CTBP2: variants seen among roughly 807,000 people sequenced by gnomAD.
CTBP2 encodes the protein C-terminal binding protein 2, also known as C-terminal-binding protein 2.
Under a neutral mutation model 80.3 loss-of-function variants are expected in CTBP2, and 30 were observed. The ratio of observed to expected loss-of-function variants is 0.37; its 90% confidence interval spans 0.28 to 0.51. CTBP2 has a LOEUF of 0.51. CTBP2 is among the 20% of genes least tolerant of loss of function. The pLI, the probability that CTBP2 is intolerant of heterozygous loss-of-function variation, is 0.93. For missense variants in CTBP2, 1,212 were observed against 1,375.3 expected (o/e 0.88, Z 1.88); for synonymous variants, 594 against 587.4 (o/e 1.01, Z -0.16).
upstream of CTBP2, chr10:125,160,664 C>T (rs1357803634): frequency 1.1e-5 from 1 of 90,266 alleles, no homozygotes; most frequent in African/African-American, 4.6e-5. Context: ...CCACCTCCTC[C>T]CCTCGCCGCC....
At chr10:125,102,401 T>C (rs1850769115) in intron 2 of CTBP2, among the ~76,000 whole-genome samples, 1 of 152,232 alleles carries the variant, frequency 6.6e-6, no homozygotes, top group Non-Finnish European at 1.5e-5. Context: ...TGCTAAAGAA[T>C]TCTTCCTGGC....
At position 125,106,775 on chromosome 10, in the gene CTBP2, G is replaced by T. The variant is rs57447348; in HGVS notation, c.-102+4215C>A. 3.5e-3 allele frequency among the ~76,000 whole-genome samples: 537 copies of T among 152,242 alleles called. 2 individuals are homozygous for T. The highest frequency in any genetic ancestry group is 0.012 in the African/African-American group (500 of 41,526). ...GTGGGAAAATTCAGGCCTTCTGCCTGGTCTCTTCCTCCCTACTTTGCAAAT... is the reference window on the plus strand; with the variant it reads ...GTGGGAAAATTCAGGCCTTCTGCCTTGTCTCTTCCTCCCTACTTTGCAAAT... On this transcript the variant is annotated intron_variant, in intron 2 of 10. Coordinates refer to the CTBP2 transcript ENST00000337195.
At position 125,154,807 on chromosome 10, in the gene CTBP2, G is replaced by A. The variant is rs11812472; in HGVS notation, c.-206+5512C>T. Reference sequence around the variant, plus strand: ...TCCACTTTGGGACCTCGGCTCCCACGTGGAAGGAGAAGGGCTTTGTGAATG... The same window carrying A: ...TCCACTTTGGGACCTCGGCTCCCACATGGAAGGAGAAGGGCTTTGTGAATG... On this transcript the variant is annotated intron_variant, in intron 1 of 10. Transcript: ENST00000337195. Among the ~76,000 whole-genome samples, 168 of 152,344 alleles carry A rather than the reference G, an allele frequency of 1.1e-3. 1 individual carries two copies. Among genetic ancestry groups the A allele is most frequent in the African/African-American group, 3.8e-3 (156 of 41,582 alleles).
In CTBP2 at chr10:125,129,050, T is replaced by C. The variant is rs562054473; in HGVS notation, c.-205-17957A>G. ...TGTGTGTGGCATGAAAAAAGCTTCA[T>C]GCAAAAAGGTACATGTGTCATAATA... On this transcript the variant is annotated intron_variant, in intron 1 of 10. Transcript: ENST00000337195. Among the ~76,000 whole-genome samples the C allele has an allele frequency of 5.3e-5, 8 of 152,316 alleles. No homozygotes were observed. The South Asian group carries it at 1.7e-3, about 32-fold the overall frequency.
At chr10:125,074,330 C>T (rs778556477) in intron 2 of CTBP2, among the ~76,000 whole-genome samples, 20 of 152,172 alleles carry the variant, frequency 1.3e-4, no homozygotes, top group African/African-American at 3.4e-4. Context: ...CTGGGATGCA[C>T]CCTCTGCAGT....
intron 1 of CTBP2, among the ~76,000 whole-genome samples, chr10:125,111,462 G>A (rs1353892237): frequency 6.6e-6 from 1 of 152,196 alleles, no homozygotes; most frequent in Non-Finnish European, 1.5e-5. Flanking sequence ...CAACTGTTTT[G>A]AGAAATATGG....
At chr10:125,151,240 G>A (rs1454873894) in intron 1 of CTBP2, among the ~76,000 whole-genome samples, 1 of 152,126 alleles carries the variant, frequency 6.6e-6, no homozygotes, top group Non-Finnish European at 1.5e-5. Flanking sequence ...AAGACGAAAC[G>A]GGCCAGATCG....
chr10:125,129,759 T>C (rs1855848151), intron 1 of CTBP2, among the ~76,000 whole-genome samples: 1 of 152,184 alleles, frequency 6.6e-6, no homozygotes. Context: ...CAGAAACACC[T>C]GTGAGGACCA....
chr10:125,026,674 G>GC lies in CTBP2; in HGVS notation c.1085dup (p.Leu364AlafsTer19), dbSNP rs762879325. The stretch of plus-strand genomic sequence containing the variant: ...TGCTGGACCGCGCCCGGGGCAGCGG[G>GC]CCCCCCCGGTCCTGCCTCCGCAGCT... On this transcript the variant is annotated frameshift_variant, in exon 1 of 9. Coordinates refer to ENST00000309035, the MANE Select transcript of CTBP2 (RefSeq NM_022802.3). LOFTEE classifies it high-confidence loss of function. The GC allele has an allele frequency of 3.8e-5, 61 of 1,606,334 alleles. No individual in the cohort carries two copies. The highest frequency in any genetic ancestry group is 1.7e-4 in the Middle Eastern group (1 of 5,976).
rs1318128839 is a variant in CTBP2, at chr10:125,027,500, G to C, written c.260C>G (p.Pro87Arg). 1 of 1,614,018 alleles carries C rather than the reference G, an allele frequency of 6.2e-7. No homozygotes were observed. The highest frequency in any genetic ancestry group is 1.3e-5 in the African/African-American group (1 of 74,924). ...TCTGCTGTCGTAGAAGGTGAAGTCA[G>C]GAGTAGACCCCTTTCTTGCAGCCAC... Residue 87 changes from proline to arginine, a missense_variant, in exon 1 of 9, where the codon CCT becomes CGT. Physicochemically the swap from Pro to Arg is moderately radical, Grantham distance 103 (BLOSUM62 -2). Transcript: ENST00000309035.
At chr10:125,151,825 G>A (rs1257643938) in intron 1 of CTBP2, among the ~76,000 whole-genome samples, 4 of 152,196 alleles carry the variant, frequency 2.6e-5, no homozygotes, top group Admixed American at 2.0e-4. Flanking sequence ...GCTGGCTTGA[G>A]GCGGCGTCTA....
intron 1 of CTBP2, among the ~76,000 whole-genome samples, chr10:125,144,888 C>T (rs143793533): frequency 1.2e-4 from 18 of 152,334 alleles, no homozygotes; most frequent in African/African-American, 4.3e-4. Context: ...CCAGCCTCAT[C>T]TCAATACACA....
Position 124,998,262 on chromosome 10 carries a change from T to C in CTBP2, c.1979-92A>G. On this transcript the variant is annotated intron_variant, in intron 3 of 8. Transcript: ENST00000309035. Reference sequence around the variant, plus strand: ...CCCAGCCCGCCCTCCTGAGACTCGGTTGTTGGCACCGGGGGAGGCCCACCT... The same window carrying C: ...CCCAGCCCGCCCTCCTGAGACTCGGCTGTTGGCACCGGGGGAGGCCCACCT... The C allele has an allele frequency of 2.8e-6, 4 of 1,416,664 alleles. No homozygotes were observed. In the South Asian group the frequency reaches 4.0e-5, roughly 14 times the overall value. 87.8% of individuals were successfully genotyped at this position (1,416,664 alleles called of 1,614,324 possible).
intron 1 of CTBP2, among the ~76,000 whole-genome samples, chr10:125,136,189 C>T (rs955251959): frequency 6.6e-6 from 1 of 152,206 alleles, no homozygotes; most frequent in African/African-American, 2.4e-5. Flanking sequence ...GCTGGAGGGA[C>T]CCAGGCAGGG....
At chr10:125,092,855 G>A (rs969456659) in intron 2 of CTBP2, among the ~76,000 whole-genome samples, 3 of 152,188 alleles carry the variant, frequency 2.0e-5, no homozygotes, top group African/African-American at 7.2e-5. Flanking sequence ...GACACCCAGT[G>A]AGATGTTCAC....
At chr10:125,011,288 T>C (rs1028058783) in intron 1 of CTBP2, among the ~76,000 whole-genome samples, 31 of 152,292 alleles carry the variant, frequency 2.0e-4, no homozygotes, top group African/African-American at 7.0e-4. Context: ...CCCTGATAAA[T>C]AGATTTGCTT....
intron 1 of CTBP2, among the ~76,000 whole-genome samples, chr10:125,143,477 C>CA (rs1375196984): frequency 6.6e-6 from 1 of 151,942 alleles, no homozygotes. Flanking sequence ...GCCTCCATTT[C>CA]AAAAAAAGAA....
intron 1 of CTBP2, among the ~76,000 whole-genome samples, chr10:125,112,965 C>T (rs1852555362): frequency 6.6e-6 from 1 of 152,150 alleles, no homozygotes; most frequent in Non-Finnish European, 1.5e-5. Context: ...ATGAGTCCTC[C>T]GACAGCCAGC....
chr10:125,162,213 G>A (rs1861938833), upstream of CTBP2, among the ~76,000 whole-genome samples: 1 of 152,234 alleles, frequency 6.6e-6, no homozygotes, highest in South Asian at 2.1e-4. Context: ...AGTGGGAGGG[G>A]TCTGAGGTCC....
Sources: allele counts gnomAD v4.1 joint callset (sites outside exome capture counted in the v4.1 genomes callset), GRCh38; gene constraint gnomAD v4.1.1; transcripts MANE v1.5; gene names NCBI Gene and HGNC (gene_info 2026-07-23, HGNC 2026-07-21).